The following EBPL variants were observed in gnomAD, a reference collection of about 807,000 sequenced individuals.
The protein encoded by EBPL is EBP like.
Under a neutral mutation model 19.0 loss-of-function variants are expected in EBPL, and 20 were observed. That is an observed-to-expected ratio of 1.05 (90% CI 0.74 to 1.53). EBPL has a LOEUF of 1.53. Ranked by LOEUF, EBPL falls within the 40% of genes most tolerant of loss-of-function variation. The pLI, the probability that EBPL is intolerant of heterozygous loss-of-function variation, is 0.00. For synonymous variants in EBPL, 107 were observed against 117.0 expected, an observed-to-expected ratio of 0.91 and a Z score of 0.55; for missense variants, 219 against 261.1, an observed-to-expected ratio of 0.84 and a Z score of 1.11.
chr13:49,681,970 C>T (rs1236548809), intron 1 of EBPL, among the ~76,000 whole-genome samples: 1 of 152,180 alleles, frequency 6.6e-6, no homozygotes, highest in Non-Finnish European at 1.5e-5. Flanking sequence ...ACTCACAAAA[C>T]CTCAGCCTAA....
chr13:49,673,120 A>G (rs958759939), intron 1 of EBPL, among the ~76,000 whole-genome samples: 4 of 152,124 alleles, frequency 2.6e-5, no homozygotes, highest in African/African-American at 9.7e-5. Flanking sequence ...GTGGCAACAT[A>G]AAAAAATACT....
intron 3 of EBPL, among the ~76,000 whole-genome samples, chr13:49,662,823 A>C (rs529651649): frequency 2.3e-4 from 35 of 152,220 alleles, no homozygotes; most frequent in African/African-American, 7.5e-4. Context: ...CCTTGTAGAG[A>C]CAGGGTCTCA....
At chr13:49,686,491 T>A in intron 1 of EBPL, 1 of 1,287,648 alleles carries the variant, frequency 7.8e-7, no homozygotes, top group Non-Finnish European at 1.0e-6. Context: ...TTTTCTTTCT[T>A]TTTTTTTAAT....
chr13:49,688,618 C>T (rs1041851017), intron 1 of EBPL, among the ~76,000 whole-genome samples: 3 of 149,778 alleles, frequency 2.0e-5, no homozygotes, highest in Admixed American at 6.7e-5. Flanking sequence ...ACTCAGGAGG[C>T]TGAGGCAGGA....
chr13:49,667,675 C>T (rs971646070), intron 2 of EBPL, among the ~76,000 whole-genome samples: 6 of 152,274 alleles, frequency 3.9e-5, no homozygotes, highest in East Asian at 1.9e-4. Flanking sequence ...TTTAGAAATA[C>T]GGTCTTACTG....
At chr13:49,672,731 G>A (rs1363776980) in intron 1 of EBPL, among the ~76,000 whole-genome samples, 1 of 152,146 alleles carries the variant, frequency 6.6e-6, no homozygotes, top group African/African-American at 2.4e-5. Context: ...ACACCTTCAA[G>A]CCACAGTGAG....
chr13:49,691,089 C>T (rs7319887), intron 1 of EBPL, among the ~76,000 whole-genome samples, 165 bp downstream of exon 1: 53,868 of 151,780 alleles, frequency 0.35, 9,945 homozygotes, highest in Non-Finnish European at 0.42. Flanking sequence ...ATCAGAACTC[C>T]GGCCGCCGCG....
intron 1 of EBPL, among the ~76,000 whole-genome samples, chr13:49,690,900 T>A (rs897377786): frequency 6.6e-6 from 1 of 152,172 alleles, no homozygotes; most frequent in Non-Finnish European, 1.5e-5. Context: ...CTCTGGGGCA[T>A]TTAAAAATGA....
chr13:49,661,306 T>G, intron 3 of EBPL, 98 bp from the exon 4 acceptor site: 1 of 1,013,592 alleles, frequency 9.9e-7, no homozygotes, highest in Non-Finnish European at 1.5e-6. Context: ...TCAACAGTCT[T>G]CGCTATGAAA....
At chr13:49,669,300 A>C (rs985172585) in intron 2 of EBPL, among the ~76,000 whole-genome samples, 1 of 152,152 alleles carries the variant, frequency 6.6e-6, no homozygotes, top group African/African-American at 2.4e-5. Flanking sequence ...TCCTGGGCTC[A>C]AAAGATTCTC....
intron 1 of EBPL, among the ~76,000 whole-genome samples, chr13:49,690,430 A>AAC (rs1555302165): frequency 2.7e-5 from 4 of 147,188 alleles, no homozygotes; most frequent in Admixed American, 1.4e-4. Context: ...AAAAAAAAAA[A>AAC]AAACAAACTG....
intron 1 of EBPL, among the ~76,000 whole-genome samples, chr13:49,688,900 T>C (rs918058987): frequency 3.9e-5 from 6 of 152,146 alleles, no homozygotes; most frequent in Admixed American, 3.9e-4. Context: ...ATGTATTTTC[T>C]TGCAGCCTCA....
At chr13:49,666,072 T>C (rs539216540) in intron 2 of EBPL, among the ~76,000 whole-genome samples, 1 of 152,210 alleles carries the variant, frequency 6.6e-6, no homozygotes, top group Non-Finnish European at 1.5e-5. Flanking sequence ...AAGGAGGACA[T>C]CTCGCCATGC....
At chr13:49,669,005 A>G (rs1283266489) in intron 2 of EBPL, among the ~76,000 whole-genome samples, 1 of 150,384 alleles carries the variant, frequency 6.6e-6, no homozygotes, top group East Asian at 2.0e-4. Flanking sequence ...TCAGCCTCCC[A>G]AGTACCTGGG....
Position 49,669,786 on chromosome 13 carries a change from C to T in EBPL, c.232G>A (p.Ala78Thr), listed in dbSNP as rs775942626. 6.2e-7 allele frequency: 1 copy of T among 1,613,996 alleles called. No homozygotes were observed. Among genetic ancestry groups the T allele is most frequent in the South Asian group, 1.1e-5 (1 of 91,072 alleles). Residue 78 changes from alanine (A) to threonine (T), a missense_variant, in exon 2 of 4, where the codon GCT (alanine) becomes ACT (threonine). Ala to Thr is a moderately conservative substitution (Grantham distance 58). Transcript: ENST00000242827. ...GNVANSDGLI[A>T]SLWKEYGKAD... ...GTTTTTAATTACTTACATAAAGAAGCAATCAAGCCATCGGAATTTGCAACG... is the reference window on the plus strand; with the variant it reads ...GTTTTTAATTACTTACATAAAGAAGTAATCAAGCCATCGGAATTTGCAACG...
intron 1 of EBPL, chr13:49,686,729 ACT>A (rs755062252): frequency 9.6e-6 from 8 of 835,100 alleles, no homozygotes; most frequent in Admixed American, 3.7e-5. Flanking sequence ...AATTCCCAGC[ACT>A]CTCTCTTCTG....
intron 2 of EBPL, among the ~76,000 whole-genome samples, chr13:49,663,741 T>G (rs905992796): frequency 6.2e-5 from 9 of 145,126 alleles, no homozygotes; most frequent in East Asian, 4.2e-4. Flanking sequence ...ATCGAGACCA[T>G]CCTGGCCAAC....
At chr13:49,666,041 T>G (rs1965222714) in intron 2 of EBPL, among the ~76,000 whole-genome samples, 1 of 152,172 alleles carries the variant, frequency 6.6e-6, no homozygotes. Context: ...GTTTATTAGT[T>G]GCACACACTG....
chr13:49,674,936 A>G (rs935588623), intron 1 of EBPL, among the ~76,000 whole-genome samples: 6 of 152,198 alleles, frequency 3.9e-5, no homozygotes, highest in Admixed American at 2.6e-4. Context: ...TTCATCTTCT[A>G]AAACTAAAAC....
Sources: gnomAD v4.1 joint callset for allele counts (sites outside exome capture counted in the v4.1 genomes callset) on GRCh38, gnomAD v4.1.1 for gene constraint, MANE v1.5 for transcripts, NCBI Gene and HGNC (gene_info 2026-07-23, HGNC 2026-07-21) for gene names.